Variants in CADPS observed in about 807,000 individuals in gnomAD.
CADPS encodes the protein calcium dependent secretion activator.
CADPS carries 57 observed loss-of-function variants against 167.3 expected under a neutral mutation model. The ratio of observed to expected loss-of-function variants is 0.34; its 90% CI spans 0.28 to 0.42. The LOEUF is 0.42. Ranked by LOEUF, CADPS falls within the 20% of genes least tolerant of loss-of-function variation. The probability of loss-of-function intolerance (pLI) is 1.00; values close to 1 mark genes in which losing one functional copy is unlikely to be tolerated. For synonymous variants in CADPS, 676 were observed against 635.3 expected (o/e 1.06, Z -0.96); for missense variants, 1,414 against 1,738.1 (o/e 0.81, Z 3.32).
chr3:62,716,317 G>A (rs2084610368), intron 3 of CADPS, among the ~76,000 whole-genome samples: 1 of 152,280 alleles, frequency 6.6e-6, no homozygotes, highest in African/African-American at 2.4e-5. Flanking sequence ...GCCTCCCAAA[G>A]TGCTGAGATT....
chr3:62,703,525 G>A (rs1041163708), intron 3 of CADPS, among the ~76,000 whole-genome samples: 4 of 152,118 alleles, frequency 2.6e-5, no homozygotes, highest in African/African-American at 9.7e-5. Flanking sequence ...GGCCTGTCCT[G>A]CCAGGAAGCT....
chr3:62,623,760 T>C (rs1217486002), intron 6 of CADPS, among the ~76,000 whole-genome samples: 1 of 152,110 alleles, frequency 6.6e-6, no homozygotes, highest in Non-Finnish European at 1.5e-5. Context: ...TGAACATAAA[T>C]TGTAACTTCC....
At chr3:62,457,785 G>T (rs2058866426) in intron 26 of CADPS, among the ~76,000 whole-genome samples, 1 of 152,152 alleles carries the variant, frequency 6.6e-6, no homozygotes, top group Non-Finnish European at 1.5e-5. Flanking sequence ...GTCCTTTGCA[G>T]GGACATGGAT....
intron 3 of CADPS, among the ~76,000 whole-genome samples, chr3:62,695,578 A>G (rs1200657171): frequency 6.6e-6 from 1 of 152,096 alleles, no homozygotes; most frequent in Non-Finnish European, 1.5e-5. Flanking sequence ...TAACAAGAAT[A>G]CCTTTGCTAG....
chr3:62,650,249 C>A (rs185915238), intron 5 of CADPS, among the ~76,000 whole-genome samples: 6 of 152,306 alleles, frequency 3.9e-5, no homozygotes, highest in Admixed American at 1.3e-4. Flanking sequence ...GCATAGTGAA[C>A]TACCTTCCCA....
At chr3:62,664,511 G>A (rs1297811695) in intron 3 of CADPS, among the ~76,000 whole-genome samples, 2 of 152,170 alleles carry the variant, frequency 1.3e-5, no homozygotes, top group African/African-American at 2.4e-5. Flanking sequence ...CTGTTTTTAG[G>A]TTCCAATGAG....
intron 21 of CADPS, among the ~76,000 whole-genome samples, chr3:62,488,060 G>C (rs1290769598): frequency 6.6e-6 from 1 of 152,174 alleles, no homozygotes; most frequent in East Asian, 1.9e-4. Context: ...TTGAAAGAAA[G>C]GCTGTGTGTG....
At chr3:62,719,446 G>C (rs892655329) in intron 3 of CADPS, among the ~76,000 whole-genome samples, 1 of 152,184 alleles carries the variant, frequency 6.6e-6, no homozygotes, top group African/African-American at 2.4e-5. Context: ...ACAGAGCTCT[G>C]TTTCTTTCCT....
At position 62,449,821 on chromosome 3, in the gene CADPS, GTA is replaced by G. The variant is rs1491022017; in HGVS notation, c.3637-4026_3637-4025del. On this transcript the variant is annotated intron_variant, in intron 26 of 29. Coordinates refer to ENST00000383710, the MANE Select transcript of CADPS (RefSeq NM_003716.4). Reference sequence around the variant, plus strand: ...AGAGTGTGTGTGTGTGTGTGTGTGTGTAATTTTCTTTTCTTTTTTAACTTTAA... The same window carrying G: ...AGAGTGTGTGTGTGTGTGTGTGTGTGATTTTCTTTTCTTTTTTAACTTTAA... Among the ~76,000 whole-genome samples the G allele has an allele frequency of 1.2e-3, 175 of 148,274 alleles. 2 individuals are homozygous for G. Among genetic ancestry groups the G allele is most frequent in the Admixed American group, 0.011 (161 of 14,790 alleles).
At chr3:62,742,049 C>T (rs147895711) in intron 3 of CADPS, among the ~76,000 whole-genome samples, 68 of 152,124 alleles carry the variant, frequency 4.5e-4, no homozygotes, top group African/African-American at 1.6e-3. Flanking sequence ...GAATAAAATA[C>T]CCAGGAATAT....
At chr3:62,747,278 T>C (rs1051503794) in intron 3 of CADPS, among the ~76,000 whole-genome samples, 41 of 148,496 alleles carry the variant, frequency 2.8e-4, no homozygotes, top group African/African-American at 1.0e-3. Flanking sequence ...AAGAACTATA[T>C]TGTTGTTACA....
At chr3:62,404,306 C>T (rs183851326) in intron 28 of CADPS, 9 of 152,660 alleles carry the variant, frequency 5.9e-5, no homozygotes, top group East Asian at 5.8e-4. Flanking sequence ...CATGCACGCG[C>T]GCGCACACAC....
At chr3:62,424,977 C>G (rs951900400) in intron 28 of CADPS, among the ~76,000 whole-genome samples, 5 of 152,114 alleles carry the variant, frequency 3.3e-5, no homozygotes, top group African/African-American at 1.2e-4. Context: ...AATAACAGTG[C>G]TCTCAGAGGT....
chr3:62,580,689 A>G (rs898764038), intron 8 of CADPS, among the ~76,000 whole-genome samples: 2 of 152,186 alleles, frequency 1.3e-5, no homozygotes, highest in African/African-American at 4.8e-5. Flanking sequence ...AGGAACAATG[A>G]AGGCCATAAG....
chr3:62,727,701 C>T (rs1057237271), intron 3 of CADPS, among the ~76,000 whole-genome samples: 17 of 147,882 alleles, frequency 1.1e-4, no homozygotes, highest in Non-Finnish European at 1.9e-4. Flanking sequence ...CCTCTTATAA[C>T]CATTGTCTTG....
At chr3:62,439,205 A>T (rs1348782673) in intron 27 of CADPS, 1 of 152,210 alleles carries the variant, frequency 6.6e-6, no homozygotes, top group Non-Finnish European at 1.5e-5. Context: ...ATCACAAAGT[A>T]TCATTTCTCT....
chr3:62,798,820 A>T (rs1655703069), intron 1 of CADPS, among the ~76,000 whole-genome samples: 2 of 152,156 alleles, frequency 1.3e-5, no homozygotes. Flanking sequence ...TTCATACCAG[A>T]TTATGAACAA....
At chr3:62,489,686 A>C (rs1278528209) in intron 21 of CADPS, among the ~76,000 whole-genome samples, 1 of 152,204 alleles carries the variant, frequency 6.6e-6, no homozygotes, top group African/African-American at 2.4e-5. Context: ...ATTCTCTTCC[A>C]TGTGTGTTGG....
At chr3:62,842,475 G>A (rs1336848521) in intron 1 of CADPS, among the ~76,000 whole-genome samples, 1 of 152,164 alleles carries the variant, frequency 6.6e-6, no homozygotes. Context: ...CAATTTCACA[G>A]CAAGACTATG....
Sources: gnomAD v4.1 joint callset for allele counts (sites outside exome capture counted in the v4.1 genomes callset) on GRCh38, gnomAD v4.1.1 for gene constraint, MANE v1.5 for transcripts, NCBI Gene and HGNC (gene_info 2026-07-23, HGNC 2026-07-21) for gene names.